CC2D2A: variants seen among roughly 807,000 people sequenced by gnomAD.
CC2D2A encodes the protein coiled-coil and C2 domain containing 2A, also known as coiled-coil and C2 domain-containing protein 2A.
A neutral mutation model predicts 212.9 loss-of-function variants in CC2D2A; 155 were observed. That is an observed-to-expected ratio of 0.73 (90% CI 0.64 to 0.83). The LOEUF (loss-of-function observed/expected upper bound fraction) is 0.83, where lower values mean the gene tolerates loss of function less well. CC2D2A is among the 40% of genes least tolerant of loss of function. The pLI is 0.00. For missense variants in CC2D2A, 1,856 were observed against 1,956.2 expected (o/e 0.95, Z 0.97); for synonymous variants, 667 against 686.5 (o/e 0.97, Z 0.44).
intron 35 of CC2D2A, 85 bp downstream of exon 35, chr4:15,597,550 G>A (rs890077183): frequency 5.7e-6 from 6 of 1,060,458 alleles, no homozygotes; most frequent in Non-Finnish European, 8.5e-6. Context: ...CTGGATGAAT[G>A]TGAAACAATT....
chr4:15,586,513 T>C (rs1056911677), intron 31 of CC2D2A, among the ~76,000 whole-genome samples: 1 of 152,236 alleles, frequency 6.6e-6, no homozygotes, highest in African/African-American at 2.4e-5. Flanking sequence ...AGTATTACTG[T>C]AAAACTTCTT....
Position 15,550,862 on chromosome 4 carries a change from A to AGCAGAAGT in CC2D2A, c.2222_2229dup (p.Phe744GlnfsTer30), listed in dbSNP as rs1471484901. ...TCGGACACAGTAGTCCCACCTTGCT[A>AGCAGAAGT]GCAGAAGTGTTTCTGCCTATTCCTG... On this transcript the variant is annotated frameshift_variant, in exon 18 of 37. Transcript: ENST00000424120. LOFTEE classifies it high-confidence loss of function. 4 of 1,597,428 alleles carry AGCAGAAGT rather than the reference A, an allele frequency of 2.5e-6. No homozygotes were observed. The African/African-American group carries it at 5.3e-5, about 21-fold the overall frequency.
At chr4:15,485,684 C>A (rs1428774480) in intron 4 of CC2D2A, among the ~76,000 whole-genome samples, 1 of 152,116 alleles carries the variant, frequency 6.6e-6, no homozygotes, top group Non-Finnish European at 1.5e-5. Flanking sequence ...AGTAAGATAT[C>A]TCATTGTGGT....
intron 24 of CC2D2A, among the ~76,000 whole-genome samples, chr4:15,565,159 C>T (rs1334238957): frequency 2.0e-5 from 3 of 152,188 alleles, no homozygotes; most frequent in African/African-American, 4.8e-5. Flanking sequence ...CCCTGATTGC[C>T]TCAAAGCTCA....
rs775352351 is a variant in CC2D2A, at chr4:15,601,237, T to C, written c.4675T>C (p.Phe1559Leu). Residue 1559 changes from phenylalanine to leucine, a missense_variant and splice_region_variant, in exon 37 of 37, where the codon TTC becomes CTC. By Grantham distance (22) the Phe-to-Leu change is conservative. This residue lies in a region of CC2D2A where 285 missense variants were observed against 278.4 expected (regional missense o/e 1.02). Transcript: ENST00000424120. ...GACTACAAATGTTTTTTCCCTTCAG[T>C]TCTCTGGATTTCCTCTTCACATGCC... Reference protein sequence around the residue: ...ELLKQLGDYRFSGFPLHMPYS... With the variant: ...ELLKQLGDYRLSGFPLHMPYS... 4 of 1,611,392 alleles carry C rather than the reference T, an allele frequency of 2.5e-6. No individual in the cohort carries two copies. Among genetic ancestry groups the C allele is most frequent in the East Asian group, 2.2e-5 (1 of 44,800 alleles).
Position 15,516,579 on chromosome 4 carries a change from G to A in CC2D2A, c.1018-46G>A, listed in dbSNP as rs762932126. The A allele has an allele frequency of 1.3e-5, 20 of 1,578,002 alleles. No homozygotes were observed. In the Admixed American group the frequency reaches 3.6e-4, roughly 28 times the overall value. On this transcript the variant is annotated intron_variant, in intron 10 of 36. Transcript: ENST00000424120. ...TTGTTTGTGTTGTGAACCATTTTCT[G>A]TTCGATTAGAAGAAAATGTTGCCAT...
chr4:15,567,226 T>C (rs1415478551), intron 24 of CC2D2A, 151 bp from the exon 25 acceptor site: 1 of 610,316 alleles, frequency 1.6e-6, no homozygotes, highest in Admixed American at 3.2e-5. Context: ...GAGGTTGCAG[T>C]GAGCTGAGAT....
chr4:15,471,064 T>C (rs961347339), intron 1 of CC2D2A, among the ~76,000 whole-genome samples: 3 of 152,080 alleles, frequency 2.0e-5, no homozygotes, highest in African/African-American at 7.2e-5. Flanking sequence ...CAGTGTACAT[T>C]ATATCGAGCT....
chr4:15,565,712 G>T (rs144077731), intron 24 of CC2D2A, among the ~76,000 whole-genome samples: 5 of 152,252 alleles, frequency 3.3e-5, no homozygotes, highest in African/African-American at 1.2e-4. Flanking sequence ...GGGCTCAAGA[G>T]ATCCTCCTCC....
At chr4:15,478,096 A>G (rs529393868) in intron 2 of CC2D2A, among the ~76,000 whole-genome samples, 1 of 152,354 alleles carries the variant, frequency 6.6e-6, no homozygotes, top group African/African-American at 2.4e-5. Flanking sequence ...CGTAGACTTT[A>G]GAGCTTTCAG....
chr4:15,556,766 G>A (rs1250617011), intron 20 of CC2D2A, among the ~76,000 whole-genome samples: 1 of 152,200 alleles, frequency 6.6e-6, no homozygotes, highest in African/African-American at 2.4e-5. Context: ...ACAATGCACA[G>A]GGGCCTTGGA....
At chr4:15,540,813 C>G (rs2109038550) in intron 16 of CC2D2A, 24 bp from the exon 17 acceptor site, 2 of 1,580,708 alleles carry the variant, frequency 1.3e-6, no homozygotes, top group African/African-American at 1.3e-5. Context: ...ACTAACTCCA[C>G]CTGTGAATGG....
At chr4:15,486,552 T>A (rs1715011970) in intron 4 of CC2D2A, among the ~76,000 whole-genome samples, 1 of 152,066 alleles carries the variant, frequency 6.6e-6, no homozygotes, top group African/African-American at 2.4e-5. Context: ...TCTTCTCTTT[T>A]TCTTAATCTG....
intron 32 of CC2D2A, among the ~76,000 whole-genome samples, chr4:15,588,515 G>C (rs1457290457): frequency 6.6e-6 from 1 of 152,162 alleles, no homozygotes; most frequent in African/African-American, 2.4e-5. Context: ...GATGCAAATA[G>C]GTAAGTTTAG....
rs144270073 is a variant in CC2D2A at position 15,589,849 on chromosome 4, G to A, written c.4314+170G>A. Reference sequence around the variant, plus strand: ...AAGAAATGCAGTGTCAAGCACAGTGGCGGAACTGTGCTAAATACAACTTTT... The same window carrying A: ...AAGAAATGCAGTGTCAAGCACAGTGACGGAACTGTGCTAAATACAACTTTT... On this transcript the variant is annotated intron_variant, in intron 33 of 36. Coordinates refer to ENST00000424120, the MANE Select transcript of CC2D2A (RefSeq NM_001378615.1). Among the ~76,000 whole-genome samples the A allele has an allele frequency of 4.3e-3, 650 of 151,046 alleles. 3 individuals carry two copies. Among genetic ancestry groups the A allele is most frequent in the African/African-American group, 0.015 (601 of 41,226 alleles).
Position 15,579,929 on chromosome 4 carries a change from T to C in CC2D2A, c.3772-39T>C, listed in dbSNP as rs28537702. The C allele has an allele frequency of 1.8e-3, 2,692 of 1,512,564 alleles. 40 individuals carry two copies. In the African/African-American group the frequency reaches 0.033, roughly 19 times the overall value. The allele number at this position is 1,512,564 out of a possible 1,614,324, so 93.7% of individuals were successfully genotyped here. A position where few individuals can be genotyped will look rare whatever the true frequency, so the allele number is the denominator to read the frequency against. The stretch of plus-strand genomic sequence containing the variant: ...ATCTGAACACGTACTTTCTCTCTTG[T>C]AATCATACATAAACTCCATGAAGTC... On this transcript the variant is annotated intron_variant, in intron 29 of 36. Coordinates refer to ENST00000424120, the MANE Select transcript of CC2D2A (RefSeq NM_001378615.1).
At chr4:15,523,114 CAA>C (rs142926881) in intron 11 of CC2D2A, among the ~76,000 whole-genome samples, 32 of 132,354 alleles carry the variant, frequency 2.4e-4, no homozygotes, top group South Asian at 2.5e-4. Context: ...AACTCCATCT[CAA>C]AAAAAAAAAA....
rs755600533 is a variant in CC2D2A, at chr4:15,586,254, GTTC to G, written c.4065+15_4065+17del. 24 of 1,528,408 alleles carry G rather than the reference GTTC, an allele frequency of 1.6e-5. No homozygotes were observed. The East Asian group carries it at 1.6e-4, about 10-fold the overall frequency. 94.7% of individuals were successfully genotyped at this position (1,528,408 alleles called of 1,614,324 possible). ...CTCTGGAGCACATCTGATGTAAGTA[GTTC>G]TTCTTCACAGATTTAGAAACTTGAG... On this transcript the variant is annotated intron_variant, in intron 31 of 36. Transcript: ENST00000424120.
intron 3 of CC2D2A, among the ~76,000 whole-genome samples, chr4:15,480,485 G>T (rs1246396770): frequency 6.6e-6 from 1 of 152,154 alleles, no homozygotes; most frequent in Admixed American, 6.5e-5. Flanking sequence ...GTTATTTGGG[G>T]ACGCCTTGAT....
Sources: gnomAD v4.1 joint callset for allele counts (sites outside exome capture counted in the v4.1 genomes callset) on GRCh38, gnomAD v4.1.1 for gene constraint, gnomAD v4.1.1 regional missense constraint, MANE v1.5 for transcripts, NCBI Gene and HGNC (gene_info 2026-07-23, HGNC 2026-07-21) for gene names.